The following ZNF704 variants were observed in gnomAD, a reference collection of about 807,000 sequenced individuals.
ZNF704 encodes glucocorticoid induced gene 1.
In ZNF704, 10 loss-of-function variants were observed where a neutral mutation model predicts 44.7. The observed-to-expected ratio is 0.22, with a 90% CI of 0.14 to 0.38. The LOEUF (loss-of-function observed/expected upper bound fraction) is 0.38. Among genes scored for constraint, ZNF704 ranks in the 10% least tolerant of loss-of-function variants. The probability of loss-of-function intolerance (pLI) is 1.00; values close to 1 mark genes in which losing one functional copy is unlikely to be tolerated. For missense variants in ZNF704, 390 were observed against 545.5 expected (o/e 0.71, Z 2.84); for synonymous variants, 211 against 207.6 (o/e 1.02, Z -0.14).
chr8:80,712,806 G>GA (rs559067694), intron 2 of ZNF704, among the ~76,000 whole-genome samples: 3 of 151,298 alleles, frequency 2.0e-5, no homozygotes, highest in South Asian at 4.2e-4. Context: ...TCAAAAAACA[G>GA]AAAAAAAAGA....
intron 7 of ZNF704, 60 bp downstream of exon 7, chr8:80,659,525 G>A (rs765507554): frequency 7.4e-5 from 103 of 1,391,918 alleles, no homozygotes; most frequent in Non-Finnish European, 9.6e-5. Context: ...CTATTTGTTC[G>A]CTAAATTTAG....
At chr8:80,705,060 C>A (rs1394523711) in intron 2 of ZNF704, among the ~76,000 whole-genome samples, 1 of 152,044 alleles carries the variant, frequency 6.6e-6, no homozygotes, top group Non-Finnish European at 1.5e-5. Flanking sequence ...TTGGAGGACA[C>A]CCCCCTGCAG....
At chr8:80,762,483 G>A (rs1434960840) in intron 2 of ZNF704, among the ~76,000 whole-genome samples, 7 of 152,128 alleles carry the variant, frequency 4.6e-5, no homozygotes, top group Non-Finnish European at 8.8e-5. Flanking sequence ...AAAACCATCA[G>A]ATCTCATGAG....
At chr8:80,849,999 T>C (rs1023133902) in intron 1 of ZNF704, among the ~76,000 whole-genome samples, 1 of 152,172 alleles carries the variant, frequency 6.6e-6, no homozygotes, top group Non-Finnish European at 1.5e-5. Flanking sequence ...TTTCTATCAG[T>C]TTTTCTAAAA....
chr8:80,653,655 G>C (rs111642363), intron 7 of ZNF704, among the ~76,000 whole-genome samples: 2 of 152,056 alleles, frequency 1.3e-5, no homozygotes, highest in Non-Finnish European at 2.9e-5. Flanking sequence ...ACCTCTTCAA[G>C]GAGAACTACA....
intron 2 of ZNF704, among the ~76,000 whole-genome samples, chr8:80,701,057 G>A (rs906132967): frequency 2.6e-4 from 39 of 152,044 alleles, no homozygotes; most frequent in African/African-American, 7.0e-4. Flanking sequence ...GTGGCTCAGC[G>A]GGGTTCTCCC....
intron 6 of ZNF704, among the ~76,000 whole-genome samples, chr8:80,664,128 C>T (rs889112735): frequency 4.0e-5 from 6 of 151,548 alleles, no homozygotes; most frequent in Admixed American, 2.0e-4. Context: ...AACAGAGTCT[C>T]GCTCTGTCGC....
At chr8:80,664,053 C>A (rs867861588) in intron 6 of ZNF704, among the ~76,000 whole-genome samples, 1 of 150,034 alleles carries the variant, frequency 6.7e-6, no homozygotes, top group African/African-American at 2.5e-5. Context: ...TAAACAGATA[C>A]TTATGTAATG....
At chr8:80,676,431 A>C (rs1818366755) in intron 4 of ZNF704, among the ~76,000 whole-genome samples, 1 of 152,160 alleles carries the variant, frequency 6.6e-6, no homozygotes, top group African/African-American at 2.4e-5. Context: ...GCACAGGGAG[A>C]GGGGCTGCCT....
intron 2 of ZNF704, among the ~76,000 whole-genome samples, chr8:80,713,143 C>T (rs752216635): frequency 1.3e-5 from 2 of 152,038 alleles, no homozygotes; most frequent in Non-Finnish European, 2.9e-5. Context: ...GTGATTCACT[C>T]GCCTCGGCAT....
At chr8:80,688,741 C>G (rs1818582396) in intron 3 of ZNF704, among the ~76,000 whole-genome samples, 4 of 152,140 alleles carry the variant, frequency 2.6e-5, no homozygotes, top group Admixed American at 2.6e-4. Flanking sequence ...GAGATTTCTG[C>G]CCAGTTAGAA....
At chr8:80,675,920 C>G (rs1818358315) in intron 4 of ZNF704, among the ~76,000 whole-genome samples, 1 of 152,014 alleles carries the variant, frequency 6.6e-6, no homozygotes, top group South Asian at 2.1e-4. Flanking sequence ...GGGAAAAATG[C>G]AGTTAGAGAT....
At chr8:80,844,465 C>T (rs1808734286) in intron 1 of ZNF704, among the ~76,000 whole-genome samples, 1 of 152,124 alleles carries the variant, frequency 6.6e-6, no homozygotes, top group African/African-American at 2.4e-5. Flanking sequence ...GACCTAATCA[C>T]CTCCCAAAGG....
intron 7 of ZNF704, among the ~76,000 whole-genome samples, chr8:80,651,494 A>T (rs953994556): frequency 6.6e-6 from 1 of 152,164 alleles, no homozygotes; most frequent in Non-Finnish European, 1.5e-5. Context: ...AATGGAAAAC[A>T]AAAAAAGGCA....
intron 2 of ZNF704, among the ~76,000 whole-genome samples, chr8:80,811,258 G>C (rs1210350573): frequency 1.3e-5 from 2 of 151,912 alleles, no homozygotes; most frequent in African/African-American, 2.4e-5. Flanking sequence ...TTTTTATATT[G>C]ACATATGTTC....
At chr8:80,882,821 G>A in the ZNF704 span, among the ~76,000 whole-genome samples, 1 of 152,022 alleles carries the variant, frequency 6.6e-6, no homozygotes, top group Non-Finnish European at 1.5e-5. Context: ...CTATTGCTGG[G>A]AAGAATTTTT....
At chr8:80,691,523 G>A (rs540540902) in intron 3 of ZNF704, among the ~76,000 whole-genome samples, 3 of 152,312 alleles carry the variant, frequency 2.0e-5, no homozygotes, top group Admixed American at 2.0e-4. Flanking sequence ...GGTCACCTCA[G>A]GGTCTTCCTC....
At chr8:80,644,927 C>A (rs1817803094) in intron 7 of ZNF704, 1 of 1,029,194 alleles carries the variant, frequency 9.7e-7, no homozygotes. Flanking sequence ...AAGCAGCTTG[C>A]CAGCTTCATT....
chr8:80,744,964 T>C (rs1806820809), intron 2 of ZNF704, among the ~76,000 whole-genome samples: 1 of 152,184 alleles, frequency 6.6e-6, no homozygotes, highest in Non-Finnish European at 1.5e-5. Context: ...AAATGACACT[T>C]GTATGCATTA....
Sources: allele counts gnomAD v4.1 joint callset (sites outside exome capture counted in the v4.1 genomes callset), GRCh38; gene constraint gnomAD v4.1.1; transcripts MANE v1.5; gene names NCBI Gene and HGNC (gene_info 2026-07-23, HGNC 2026-07-21).